The following CYP20A1 variants were observed in gnomAD, a reference collection of about 807,000 sequenced individuals.
The protein encoded by CYP20A1 is cytochrome P450 20A1.
In CYP20A1, 61 loss-of-function variants were observed where a neutral mutation model predicts 61.4. The observed-to-expected ratio is 0.99, with a 90% confidence interval of 0.81 to 1.23. The LOEUF (loss-of-function observed/expected upper bound fraction) is 1.23, where lower values mean the gene tolerates loss of function less well. CYP20A1 is among the 50% of genes most tolerant of loss of function. CYP20A1 has a pLI of 0.00. For missense variants in CYP20A1, 530 were observed against 542.4 expected, an observed-to-expected ratio of 0.98 and a Z score of 0.23; for synonymous variants, 193 against 188.2, an observed-to-expected ratio of 1.03 and a Z score of -0.21.
At chr2:203,242,372 T>C (rs1328000913) in intron 1 of CYP20A1, among the ~76,000 whole-genome samples, 1 of 152,156 alleles carries the variant, frequency 6.6e-6, no homozygotes, top group Non-Finnish European at 1.5e-5. Flanking sequence ...GATAGCTCTT[T>C]AGAGTTTTGC....
chr2:203,276,309 G>A (rs982938915), intron 6 of CYP20A1, among the ~76,000 whole-genome samples: 1 of 152,154 alleles, frequency 6.6e-6, no homozygotes, highest in Non-Finnish European at 1.5e-5. Flanking sequence ...TGACTAGGTT[G>A]TTACTATGAG....
intron 11 of CYP20A1, among the ~76,000 whole-genome samples, chr2:203,294,784 A>C (rs2068704950): frequency 6.9e-6 from 1 of 145,480 alleles, no homozygotes; most frequent in South Asian, 2.3e-4. Context: ...ACAGGCATGC[A>C]CCACCACGCC....
At chr2:203,295,667 G>A (rs539897062) in intron 11 of CYP20A1, among the ~76,000 whole-genome samples, 1 of 152,208 alleles carries the variant, frequency 6.6e-6, no homozygotes, top group African/African-American at 2.4e-5. Context: ...AATAAAGTAG[G>A]CCGGGTGCCG....
rs1235158165 is a variant in CYP20A1, at chr2:203,301,206, A to G, written c.*4298A>G. On this transcript the variant is annotated 3_prime_UTR_variant, in exon 13 of 13. Transcript: ENST00000356079. ...AGTGAAACTCTATCCAAAAAAAAAA[A>G]AAAACCATACGTACATAACTTTTTT... is the stretch of plus-strand genomic sequence containing the variant. Among the ~76,000 whole-genome samples the G allele has an allele frequency of 2.0e-5, 3 of 150,950 alleles. No homozygotes were observed. Among genetic ancestry groups the G allele is most frequent in the African/African-American group, 7.3e-5 (3 of 41,294 alleles).
At chr2:203,263,672 T>G (rs987625981) in intron 4 of CYP20A1, among the ~76,000 whole-genome samples, 1 of 152,178 alleles carries the variant, frequency 6.6e-6, no homozygotes, top group African/African-American at 2.4e-5. Flanking sequence ...CTTCTTTAGC[T>G]TAAGGGTTAT....
rs1165093816 is a variant in CYP20A1 at position 203,291,647 on chromosome 2, CA to C, written c.1084-614del. Among the ~76,000 whole-genome samples, 6 of 151,658 alleles carry C rather than the reference CA, an allele frequency of 4.0e-5. No individual in the cohort carries two copies. The South Asian group carries it at 6.2e-4, about 16-fold the overall frequency. The stretch of plus-strand genomic sequence containing the variant: ...AGCAAATAACTTTTACTGTTGCTTA[CA>C]TTTTTTTTTGTTATTGTTTTTTAAC... On this transcript the variant is annotated intron_variant, in intron 10 of 12. Coordinates refer to ENST00000356079, the MANE Select transcript of CYP20A1 (RefSeq NM_177538.3).
chr2:203,294,493 C>T (rs2068687072), intron 11 of CYP20A1, among the ~76,000 whole-genome samples: 1 of 151,684 alleles, frequency 6.6e-6, no homozygotes, highest in African/African-American at 2.4e-5. Context: ...GCACCCCAGC[C>T]TGGGCAACAA....
chr2:203,276,437 A>G (rs756649055), intron 6 of CYP20A1, among the ~76,000 whole-genome samples: 2 of 152,170 alleles, frequency 1.3e-5, no homozygotes, highest in Non-Finnish European at 2.9e-5. Flanking sequence ...GAAACTAGTT[A>G]GAAGGCTGCT....
At chr2:203,240,042 G>T (rs1394749041) in intron 1 of CYP20A1, among the ~76,000 whole-genome samples, 2 of 152,190 alleles carry the variant, frequency 1.3e-5, no homozygotes, top group East Asian at 3.8e-4. Flanking sequence ...CTTGCAGTGA[G>T]CCAAGATCGC....
At chr2:203,243,669 C>G (rs559188618) in intron 1 of CYP20A1, among the ~76,000 whole-genome samples, 4 of 149,754 alleles carry the variant, frequency 2.7e-5, no homozygotes, top group Non-Finnish European at 4.4e-5. Flanking sequence ...CAGGTATGAG[C>G]CACTGCGCCT....
intron 4 of CYP20A1, among the ~76,000 whole-genome samples, chr2:203,263,444 C>T (rs1325479602): frequency 1.3e-5 from 2 of 151,802 alleles, no homozygotes; most frequent in African/African-American, 2.4e-5. Flanking sequence ...CGCCTGCCAC[C>T]AGGCCTGGCT....
rs1441560204 is a variant in CYP20A1 at position 203,287,168 on chromosome 2, A to G, written c.971+1436A>G. Among the ~76,000 whole-genome samples the G allele has an allele frequency of 2.1e-5, 3 of 144,722 alleles. No homozygotes were observed. In the East Asian group the frequency reaches 6.1e-4, roughly 30 times the overall value. 94.9% of individuals were successfully genotyped at this position (144,722 alleles called of 152,430 possible). A position where few individuals can be genotyped will look rare whatever the true frequency, so the allele number is the denominator to read the frequency against. On this transcript the variant is annotated intron_variant, in intron 9 of 12. Transcript: ENST00000356079. The stretch of plus-strand genomic sequence containing the variant: ...CAGGAAGTCCAGGCTGGAGTGAGCT[A>G]CGATCACACCACTACACTCCATCCT...
chr2:203,294,142 G>A (rs998803605), intron 11 of CYP20A1, among the ~76,000 whole-genome samples: 2 of 152,032 alleles, frequency 1.3e-5, no homozygotes, highest in Admixed American at 6.6e-5. Flanking sequence ...ACGCTACCAT[G>A]CCTGGCTAAT....
At chr2:203,239,341 G>A (rs1478306730) in intron 1 of CYP20A1, among the ~76,000 whole-genome samples, 1 of 152,060 alleles carries the variant, frequency 6.6e-6, no homozygotes, top group Admixed American at 6.5e-5. Context: ...GGGCTGCGTC[G>A]CTACCCCTCA....
Position 203,249,878 on chromosome 2 carries a change from G to A in CYP20A1, c.290-2089G>A, listed in dbSNP as rs529622469. Among the ~76,000 whole-genome samples, 86 of 152,098 alleles carry A rather than the reference G, an allele frequency of 5.7e-4. 1 individual carries two copies. Among genetic ancestry groups the A allele is most frequent in the Middle Eastern group, 3.4e-3 (1 of 294 alleles). Reference sequence around the variant, plus strand: ...AAAAAAATGCCCTTTTAGAAAAATGGGCAAAAACAAGCTCATTAAGAAAGG... The same window carrying A: ...AAAAAAATGCCCTTTTAGAAAAATGAGCAAAAACAAGCTCATTAAGAAAGG... On this transcript the variant is annotated intron_variant, in intron 3 of 12. Transcript: ENST00000356079.
chr2:203,299,035 C>CA lies in CYP20A1; in HGVS notation c.*2137dup, dbSNP rs879654585. 7.3e-3 allele frequency among the ~76,000 whole-genome samples: 1,060 copies of CA among 145,416 alleles called. 3 individuals are homozygous for CA. Among genetic ancestry groups the CA allele is most frequent in the Non-Finnish European group, 0.012 (821 of 66,016 alleles). ...GGGCGACAGGGCTGAGACCTTGTCT[C>CA]AAAAAAAAAAGGAGTATCTTAAGTG... On this transcript the variant is annotated 3_prime_UTR_variant, in exon 13 of 13. Transcript: ENST00000356079.
intron 5 of CYP20A1, among the ~76,000 whole-genome samples, chr2:203,267,144 A>T (rs976968500): frequency 2.0e-5 from 3 of 152,052 alleles, no homozygotes; most frequent in Admixed American, 2.0e-4. Context: ...CCTGGGAGAC[A>T]AGAGTGAGAC....
At chr2:203,240,162 A>G (rs1235455281) in intron 1 of CYP20A1, among the ~76,000 whole-genome samples, 1 of 152,226 alleles carries the variant, frequency 6.6e-6, no homozygotes. Context: ...TTACAGTGAA[A>G]GTTGAAAAGT....
chr2:203,267,510 G>A (rs2067374847), intron 5 of CYP20A1, among the ~76,000 whole-genome samples: 1 of 149,914 alleles, frequency 6.7e-6, no homozygotes, highest in African/African-American at 2.5e-5. Flanking sequence ...CTTCAGCTCT[G>A]GGTGATGGAG....
Sources: gnomAD v4.1 joint callset for allele counts (sites outside exome capture counted in the v4.1 genomes callset) on GRCh38, gnomAD v4.1.1 for gene constraint, MANE v1.5 for transcripts, NCBI Gene and HGNC (gene_info 2026-07-23, HGNC 2026-07-21) for gene names.